TMEM108: variants seen among roughly 807,000 people sequenced by gnomAD.
TMEM108 encodes the protein transmembrane protein 108, also known as cancer/testis antigen 124.
In TMEM108, 12 loss-of-function variants were observed where a neutral mutation model predicts 35.1. The ratio of observed to expected loss-of-function variants is 0.34; its 90% CI spans 0.22 to 0.55. TMEM108 has a LOEUF of 0.55. Ranked by LOEUF, TMEM108 falls within the 20% of genes least tolerant of loss-of-function variation. The probability of loss-of-function intolerance (pLI) is 0.89; values close to 1 mark genes in which losing one functional copy is unlikely to be tolerated. For missense variants in TMEM108, 680 were observed against 753.3 expected, an observed-to-expected ratio of 0.90 and a Z score of 1.14; for synonymous variants, 287 against 308.6, an observed-to-expected ratio of 0.93 and a Z score of 0.73.
intron 2 of TMEM108, among the ~76,000 whole-genome samples, chr3:133,073,510 C>CTCTCTATATATATATATA: frequency 1.1e-3 from 47 of 43,880 alleles, no homozygotes; most frequent in Admixed American, 3.1e-3. Flanking sequence ...CTCTCTCTCT[C>CTCTCTATATATATATATA]TATATATATA....
intron 3 of TMEM108, among the ~76,000 whole-genome samples, chr3:133,336,811 G>C (rs1576465112): frequency 6.6e-6 from 1 of 151,998 alleles, no homozygotes; most frequent in Non-Finnish European, 1.5e-5. Context: ...CCAGAGGGGA[G>C]CCCACTGCCC....
chr3:133,374,188 G>A (rs1190926506), intron 3 of TMEM108, among the ~76,000 whole-genome samples: 1 of 152,002 alleles, frequency 6.6e-6, no homozygotes, highest in Non-Finnish European at 1.5e-5. Context: ...CAGTAACAAA[G>A]GCCTACCTAG....
At chr3:133,199,922 G>A (rs1366416111) in intron 2 of TMEM108, among the ~76,000 whole-genome samples, 1 of 152,122 alleles carries the variant, frequency 6.6e-6, no homozygotes, top group African/African-American at 2.4e-5. Context: ...CACCCAGTTC[G>A]AGCTTCATGG....
chr3:133,276,970 A>G (rs1946846782), intron 3 of TMEM108, among the ~76,000 whole-genome samples: 1 of 152,138 alleles, frequency 6.6e-6, no homozygotes, highest in Admixed American at 6.5e-5. Context: ...AGTGGGGTAC[A>G]CTCAGGGTCC....
At chr3:133,041,289 T>TAC (rs2107668306) in intron 1 of TMEM108, among the ~76,000 whole-genome samples, 1 of 152,326 alleles carries the variant, frequency 6.6e-6, no homozygotes, top group Non-Finnish European at 1.5e-5. Flanking sequence ...GCATCAGTTA[T>TAC]GCTTGTAATG....
At chr3:133,064,175 T>C (rs1266467804) in intron 2 of TMEM108, among the ~76,000 whole-genome samples, 2 of 152,224 alleles carry the variant, frequency 1.3e-5, no homozygotes, top group Non-Finnish European at 2.9e-5. Flanking sequence ...CCATTTAGTC[T>C]AAAACCAGTT....
At chr3:133,096,799 C>T (rs541470226) in intron 2 of TMEM108, among the ~76,000 whole-genome samples, 9 of 152,240 alleles carry the variant, frequency 5.9e-5, no homozygotes, top group South Asian at 4.2e-4. Context: ...TGGTATAATA[C>T]GCAACAGAAG....
chr3:133,188,603 A>G (rs1450107708), intron 2 of TMEM108, among the ~76,000 whole-genome samples: 1 of 152,160 alleles, frequency 6.6e-6, no homozygotes, highest in Non-Finnish European at 1.5e-5. Context: ...CAAAATCCTA[A>G]TACAAACTAA....
chr3:133,272,337 TATCTG>T (rs1342982425), intron 3 of TMEM108, among the ~76,000 whole-genome samples: 2 of 151,042 alleles, frequency 1.3e-5, no homozygotes, highest in East Asian at 3.9e-4. Context: ...CTTATTTTAA[TATCTG>T]AGAATAGACT....
chr3:133,130,428 C>T (rs559889931), intron 2 of TMEM108, among the ~76,000 whole-genome samples: 1 of 152,304 alleles, frequency 6.6e-6, no homozygotes, highest in East Asian at 1.9e-4. Context: ...AGCCCACTTA[C>T]ATGTCTGGAG....
At chr3:133,384,093 T>C (rs1178214184) in intron 4 of TMEM108, among the ~76,000 whole-genome samples, 1 of 152,178 alleles carries the variant, frequency 6.6e-6, no homozygotes, top group East Asian at 1.9e-4. Context: ...ACCACTCTAG[T>C]TATCAGGAAA....
intron 2 of TMEM108, among the ~76,000 whole-genome samples, chr3:133,074,086 G>A (rs1943711553): frequency 6.6e-6 from 1 of 152,048 alleles, no homozygotes; most frequent in Admixed American, 6.6e-5. Context: ...GGAGTTTCAA[G>A]TTACTTGTAC....
chr3:133,239,409 T>G (rs7627254), intron 3 of TMEM108, among the ~76,000 whole-genome samples: 48,435 of 152,100 alleles, frequency 0.32, 8,523 homozygotes, highest in East Asian at 0.47. Flanking sequence ...AATCTGGCTG[T>G]ACACTAGAAT....
intron 2 of TMEM108, among the ~76,000 whole-genome samples, chr3:133,066,352 T>A (rs115155940): frequency 0.028 from 4,190 of 152,212 alleles, 102 homozygotes; most frequent in South Asian, 0.061. Flanking sequence ...TTATACCTTG[T>A]TCTAGAAAGG....
At chr3:133,094,233 A>ACCCCACCCCCCAC (rs1666003169) in intron 2 of TMEM108, among the ~76,000 whole-genome samples, 1 of 23,330 alleles carries the variant, frequency 4.3e-5, no homozygotes, top group Non-Finnish European at 1.0e-4. Context: ...CCCACCCCCC[A>ACCCCACCCCCCAC]CCCCCCCCAC....
intron 2 of TMEM108, among the ~76,000 whole-genome samples, chr3:133,160,883 C>G (rs1437760714): frequency 6.6e-6 from 1 of 152,188 alleles, no homozygotes; most frequent in Non-Finnish European, 1.5e-5. Context: ...TGATGCAAAG[C>G]ATGATGTCTG....
chr3:133,316,318 T>C (rs2071198447), intron 3 of TMEM108, among the ~76,000 whole-genome samples: 1 of 152,360 alleles, frequency 6.6e-6, no homozygotes, highest in South Asian at 2.1e-4. Context: ...CTCCATATTA[T>C]ATGAACATAT....
intron 2 of TMEM108, among the ~76,000 whole-genome samples, chr3:133,202,070 G>A (rs868665756): frequency 3.3e-5 from 5 of 152,002 alleles, no homozygotes; most frequent in East Asian, 1.9e-4. Context: ...ACTTTTTCTC[G>A]TACGTTTGTT....
intron 3 of TMEM108, among the ~76,000 whole-genome samples, chr3:133,330,950 G>A (rs1010343252): frequency 5.3e-5 from 8 of 152,074 alleles, no homozygotes; most frequent in African/African-American, 4.8e-5. Flanking sequence ...ATATAAAATA[G>A]TTATAATTAT....
Sources: gnomAD v4.1 joint callset for allele counts (sites outside exome capture counted in the v4.1 genomes callset) on GRCh38, gnomAD v4.1.1 for gene constraint, MANE v1.5 for transcripts, NCBI Gene and HGNC (gene_info 2026-07-23, HGNC 2026-07-21) for gene names.